Variants in BIN2 observed in about 807,000 individuals in gnomAD.
BIN2 encodes bridging integrator 2, also known as breast cancer associated protein BRAP1.
A neutral mutation model predicts 67.9 loss-of-function variants in BIN2; 43 were observed. The ratio of observed to expected loss-of-function variants is 0.63; its 90% CI spans 0.50 to 0.82. The LOEUF (loss-of-function observed/expected upper bound fraction) is 0.82. Among genes scored for constraint, BIN2 ranks in the 40% least tolerant of loss-of-function variants. The pLI, the probability that BIN2 is intolerant of heterozygous loss-of-function variation, is 0.00. For synonymous variants in BIN2, 244 were observed against 246.8 expected, an observed-to-expected ratio of 0.99 and a Z score of 0.11; for missense variants, 581 against 671.6, an observed-to-expected ratio of 0.87 and a Z score of 1.49.
At chr12:51,304,052 C>G (rs1469997415) in intron 2 of BIN2, 1 of 152,172 alleles carries the variant, frequency 6.6e-6, no homozygotes, top group African/African-American at 2.4e-5. Context: ...CGAGACCAGC[C>G]TGGTCAAAAT....
intron 12 of BIN2, among the ~76,000 whole-genome samples, chr12:51,283,638 A>T (rs1945168894): frequency 6.6e-6 from 1 of 152,192 alleles, no homozygotes; most frequent in African/African-American, 2.4e-5. Context: ...GTTTTTAACA[A>T]AAAAAGTTTT....
intron 7 of BIN2, 115 bp downstream of exon 7, chr12:51,299,088 A>AAG: frequency 7.5e-6 from 4 of 533,526 alleles, no homozygotes; most frequent in Non-Finnish European, 6.5e-6. Flanking sequence ...AAAAAAAAAA[A>AAG]GGGGGCGGGG....
At chr12:51,291,324 C>G (rs1175469411) in intron 10 of BIN2, among the ~76,000 whole-genome samples, 2 of 151,910 alleles carry the variant, frequency 1.3e-5, no homozygotes, top group African/African-American at 4.8e-5. Flanking sequence ...AAGACCCTAC[C>G]AGAGCCGGGT....
At chr12:51,300,903 C>T (rs572132886) in intron 5 of BIN2, among the ~76,000 whole-genome samples, 10 of 152,280 alleles carry the variant, frequency 6.6e-5, no homozygotes, top group Non-Finnish European at 1.0e-4. Flanking sequence ...TGAATCAGCA[C>T]GGTGCTTGAC....
intron 11 of BIN2, among the ~76,000 whole-genome samples, chr12:51,286,568 C>T (rs938396538): frequency 1.3e-5 from 2 of 152,068 alleles, no homozygotes; most frequent in Non-Finnish European, 2.9e-5. Context: ...TTTATCATTC[C>T]CCAGAGGCAA....
chr12:51,320,787 G>A (rs1338919625), intron 1 of BIN2, among the ~76,000 whole-genome samples: 1 of 151,892 alleles, frequency 6.6e-6, no homozygotes, highest in African/African-American at 2.4e-5. Flanking sequence ...GATTTAAGCT[G>A]AGTAGATGTC....
intron 2 of BIN2, among the ~76,000 whole-genome samples, chr12:51,312,503 T>G (rs1946020237): frequency 6.6e-6 from 1 of 152,186 alleles, no homozygotes; most frequent in African/African-American, 2.4e-5. Context: ...AATATCTTTT[T>G]CTCTTAGACA....
At chr12:51,317,945 G>A (rs762042775) in intron 1 of BIN2, among the ~76,000 whole-genome samples, 13 of 152,168 alleles carry the variant, frequency 8.5e-5, no homozygotes, top group African/African-American at 2.2e-4. Flanking sequence ...CCGAGATAGC[G>A]CCACCGCAGT....
intron 12 of BIN2, among the ~76,000 whole-genome samples, chr12:51,282,946 A>T (rs1044745141): frequency 2.0e-5 from 3 of 150,696 alleles, no homozygotes; most frequent in Non-Finnish European, 3.0e-5. Flanking sequence ...CCTACTTATT[A>T]AAAAAAAAGT....
At chr12:51,289,861 C>A (rs990319968) in intron 10 of BIN2, among the ~76,000 whole-genome samples, 2 of 151,732 alleles carry the variant, frequency 1.3e-5, no homozygotes, top group Admixed American at 1.3e-4. Context: ...AAAAGGCTGT[C>A]CTTTTTGCTT....
intron 11 of BIN2, 65 bp downstream of exon 11, chr12:51,288,042 GA>G (rs756440843): frequency 1.4e-5 from 17 of 1,200,326 alleles, no homozygotes; most frequent in African/African-American, 1.5e-5. Context: ...TCTGGAAAAA[GA>G]AAAATAAATT....
chr12:51,286,230 A>T (rs1020823893), intron 11 of BIN2, among the ~76,000 whole-genome samples: 1 of 152,164 alleles, frequency 6.6e-6, no homozygotes, highest in East Asian at 1.9e-4. Flanking sequence ...TTTATAATGC[A>T]TCTGCAAGGG....
chr12:51,299,505 T>G, intron 6 of BIN2, 102 bp downstream of exon 6: 2 of 1,134,476 alleles, frequency 1.8e-6, no homozygotes, highest in Non-Finnish European at 2.6e-6. Flanking sequence ...GATGCTGAAT[T>G]TATAATTTCC....
At chr12:51,289,336 C>T (rs535253196) in intron 10 of BIN2, among the ~76,000 whole-genome samples, 60 of 152,060 alleles carry the variant, frequency 3.9e-4, no homozygotes, top group African/African-American at 1.3e-3. Flanking sequence ...GACTTGAGGC[C>T]GGGCACGGTG....
At chr12:51,294,621 G>A (rs1945486210) in intron 9 of BIN2, among the ~76,000 whole-genome samples, 1 of 150,970 alleles carries the variant, frequency 6.6e-6, no homozygotes, top group South Asian at 2.1e-4. Context: ...AATATTTTAT[G>A]TGTGCATGTA....
At chr12:51,287,218 G>A (rs561344012) in intron 11 of BIN2, among the ~76,000 whole-genome samples, 149 of 152,156 alleles carry the variant, frequency 9.8e-4, no homozygotes, top group African/African-American at 3.5e-3. Context: ...AGGTGTGATC[G>A]TAGCATACTA....
intron 5 of BIN2, 63 bp from the exon 6 acceptor site, chr12:51,299,777 C>G: frequency 7.5e-7 from 1 of 1,336,268 alleles, no homozygotes; most frequent in African/African-American, 1.4e-5. Flanking sequence ...ATGTAGGTAA[C>G]AGAATACCAA....
intron 8 of BIN2, among the ~76,000 whole-genome samples, chr12:51,296,640 C>T (rs1386404612): frequency 2.0e-5 from 3 of 152,060 alleles, no homozygotes; most frequent in Non-Finnish European, 4.4e-5. Context: ...ATCTTGGAAT[C>T]CCAGGACTAG....
Position 51,324,147 on chromosome 12 carries a change from G to A in BIN2, c.-45C>T. ...CCGCCGCCCTGGCCCCGCGCCCTGTGGTTTTCTGAGGCCCCCGAGGAGGAA... is the reference window on the plus strand; with the variant it reads ...CCGCCGCCCTGGCCCCGCGCCCTGTAGTTTTCTGAGGCCCCCGAGGAGGAA... On this transcript the variant is annotated 5_prime_UTR_variant, in exon 1 of 13. Transcript: ENST00000615107. 3 of 1,606,404 alleles carry A rather than the reference G, an allele frequency of 1.9e-6. No individual in the cohort carries two copies. Among genetic ancestry groups the A allele is most frequent in the Middle Eastern group, 1.7e-4 (1 of 5,732 alleles).
Sources: gnomAD v4.1 joint callset for allele counts (sites outside exome capture counted in the v4.1 genomes callset) on GRCh38, gnomAD v4.1.1 for gene constraint, MANE v1.5 for transcripts, NCBI Gene and HGNC (gene_info 2026-07-23, HGNC 2026-07-21) for gene names.